ACOT9: variants seen among roughly 807,000 people sequenced by gnomAD.
The protein encoded by ACOT9 is acyl-CoA thioesterase 9, also known as acyl-coenzyme A thioesterase 9, mitochondrial.
In ACOT9, 34 loss-of-function variants were observed where a neutral mutation model predicts 39.7. That is an observed-to-expected ratio of 0.86 (90% CI 0.65 to 1.14). ACOT9 has a LOEUF of 1.14. Ranked by LOEUF, ACOT9 falls within the 50% of genes most tolerant of loss-of-function variation. The probability of loss-of-function intolerance (pLI) is 0.00; values close to 1 mark genes in which losing one functional copy is unlikely to be tolerated. For missense variants in ACOT9, 313 were observed against 344.1 expected, an observed-to-expected ratio of 0.91 and a Z score of 0.71; for synonymous variants, 110 against 120.5, an observed-to-expected ratio of 0.91 and a Z score of 0.57.
chrX:23,715,496 C>A (rs751285281), intron 8 of ACOT9, among the ~76,000 whole-genome samples: 1 of 110,509 alleles, frequency 9.0e-6, no homozygotes, highest in Non-Finnish European at 1.9e-5. Flanking sequence ...CTCTAATAGG[C>A]GGGCATTTGA....
chrX:23,709,115 G>A (rs779804953), intron 9 of ACOT9, among the ~76,000 whole-genome samples: 4 of 111,799 alleles, frequency 3.6e-5, no homozygotes, highest in East Asian at 5.6e-4. Context: ...AAAACAGGCC[G>A]GGGGCAGTGG....
chrX:23,732,365 G>A (rs191347579), intron 4 of ACOT9, among the ~76,000 whole-genome samples: 163 of 112,079 alleles, frequency 1.5e-3, no homozygotes, highest in African/African-American at 5.0e-3. Flanking sequence ...GCGAAGGCTG[G>A]TTTTATAAAA....
chrX:23,718,476 C>T (rs1472658779), intron 8 of ACOT9, among the ~76,000 whole-genome samples: 1 of 112,431 alleles, frequency 8.9e-6, no homozygotes, highest in East Asian at 2.8e-4. Context: ...TCAATAATTC[C>T]TGTATCTCTT....
At chrX:23,716,244 T>C (rs1601809218) in intron 8 of ACOT9, among the ~76,000 whole-genome samples, 1 of 112,103 alleles carries the variant, frequency 8.9e-6, no homozygotes, top group Non-Finnish European at 1.9e-5. Flanking sequence ...AGAAAAAGCA[T>C]CAGCAATTAT....
In ACOT9 at chrX:23,707,750, C is replaced by CA. The variant is rs984900846; in HGVS notation, c.730+126dup. On this transcript the variant is annotated intron_variant, in intron 10 of 15. Coordinates refer to ENST00000379303, the MANE Select transcript of ACOT9 (RefSeq NM_001037171.2). ...GAGACTCCATTTCAAAAAAAACAAA[C>CA]AAAAAAACAAACAAAAAAAAGACAT... 2.4e-4 allele frequency: 108 copies of CA among 452,362 alleles called. 1 individual carries two copies. In the South Asian group the frequency reaches 4.5e-3, roughly 19 times the overall value. 37.3% of individuals were successfully genotyped at this position (452,362 alleles called of 1,213,427 possible).
At chrX:23,733,736 C>T (rs773133143) in intron 3 of ACOT9, among the ~76,000 whole-genome samples, 19 of 98,225 alleles carry the variant, frequency 1.9e-4, no homozygotes, top group Non-Finnish European at 3.2e-4. Flanking sequence ...TGTGCCACCA[C>T]ACCCGGCTAA....
intron 9 of ACOT9, 69 bp downstream of exon 9, chrX:23,713,066 G>A: frequency 1.1e-6 from 1 of 921,505 alleles, no homozygotes; most frequent in Non-Finnish European, 1.6e-6. Context: ...ATTCATTATA[G>A]TTTTCTCTCC....
chrX:23,719,288 T>C (rs1929204067), intron 8 of ACOT9, among the ~76,000 whole-genome samples: 1 of 111,266 alleles, frequency 9.0e-6, no homozygotes, highest in Non-Finnish European at 1.9e-5. Context: ...AATAAAACAG[T>C]ATTACTGTCA....
intron 1 of ACOT9, among the ~76,000 whole-genome samples, chrX:23,739,119 A>G (rs1037791733): frequency 9.0e-6 from 1 of 111,307 alleles, no homozygotes; most frequent in Non-Finnish European, 1.9e-5. Context: ...TTAGCTGGGC[A>G]TGCTGGCGGG....
At chrX:23,715,219 C>T (rs987036397) in intron 8 of ACOT9, among the ~76,000 whole-genome samples, 2 of 111,808 alleles carry the variant, frequency 1.8e-5, no homozygotes, top group Non-Finnish European at 3.8e-5. Flanking sequence ...CAGTTGTTCA[C>T]CAAATACTGT....
chrX:23,741,928 G>T (rs1401289755), intron 1 of ACOT9, among the ~76,000 whole-genome samples: 1 of 110,544 alleles, frequency 9.0e-6, no homozygotes, highest in Non-Finnish European at 1.9e-5. Flanking sequence ...ATCCACCTCA[G>T]CATCCCAAAA....
chrX:23,742,236 G>GAGAGAGAGAGAGAGAGAGAGAGA (rs1491468359), intron 1 of ACOT9, among the ~76,000 whole-genome samples: 1 of 60,573 alleles, frequency 1.7e-5, no homozygotes, highest in Non-Finnish European at 2.8e-5. Flanking sequence ...GAGAGAGAGA[G>GAGAGAGAGAGAGAGAGAGAGAGA]GGAGAGAGAG....
At chrX:23,725,913 A>T (rs1008083764) in intron 6 of ACOT9, among the ~76,000 whole-genome samples, 125 of 111,490 alleles carry the variant, frequency 1.1e-3, no homozygotes, top group African/African-American at 3.9e-3. Flanking sequence ...TATAAAATTC[A>T]AAAGGCCGGG....
rs1242345537 is a variant in ACOT9 at position 23,704,779 on chromosome X, C to T, written c.1173G>A (p.Glu391=). ...AGACATTGGTGGTTGTATGCTGCTT[C>T]TCCTGCAGGGAGGCCACTTCACTGT... ...RVHSEVASLQ[E]KQHTTTNVFH... The change falls in exon 15 of 16, where the codon GAG becomes GAA. Residue 391 remains glutamate (E), a synonymous_variant. Coordinates refer to ENST00000379303, the MANE Select transcript of ACOT9 (RefSeq NM_001037171.2). The T allele has an allele frequency of 3.3e-6, 4 of 1,210,541 alleles. No homozygotes were observed. The highest frequency in any genetic ancestry group is 4.5e-6 in the Non-Finnish European group (4 of 894,292).
intron 6 of ACOT9, among the ~76,000 whole-genome samples, chrX:23,724,111 A>G (rs890445896): frequency 1.8e-5 from 2 of 110,670 alleles, no homozygotes; most frequent in African/African-American, 3.3e-5. Flanking sequence ...CAAAAACACA[A>G]AAGTTAGCCA....
intron 9 of ACOT9, among the ~76,000 whole-genome samples, chrX:23,710,700 A>G (rs1301396720): frequency 9.0e-6 from 1 of 111,488 alleles, no homozygotes; most frequent in Admixed American, 9.7e-5. Context: ...CAAAAAATTT[A>G]AAAATTAGCT....
Position 23,719,929 on chromosome X carries a change from T to C in ACOT9, c.588+1952A>G, listed in dbSNP as rs184918498. 9.6e-3 allele frequency among the ~76,000 whole-genome samples: 1,045 copies of C among 109,264 alleles called. 8 individuals carry two copies. Among genetic ancestry groups the C allele is most frequent in the East Asian group, 0.025 (85 of 3,417 alleles). The allele number at this position is 109,264 out of a possible 115,157, so 94.9% of individuals were successfully genotyped here. ...TCGGCTCACTGCAAGCTCCGCCTCC[T>C]GGGTTCACGCCATTCTCCTGCCTCA... On this transcript the variant is annotated intron_variant, in intron 8 of 15. Transcript: ENST00000379303.
In ACOT9 at chrX:23,703,837, T is replaced by C. The variant is rs1356036175; in HGVS notation, c.*57A>G. On this transcript the variant is annotated 3_prime_UTR_variant, in exon 16 of 16. Coordinates refer to ENST00000379303, the MANE Select transcript of ACOT9 (RefSeq NM_001037171.2). ...AAAATCAATACACTCGATCAGGTCT[T>C]CATCAGATACCACGTCACTGTGGGT... The C allele has an allele frequency of 3.0e-6, 3 of 1,002,649 alleles. No homozygotes were observed. The highest frequency in any genetic ancestry group is 4.2e-6 in the Non-Finnish European group (3 of 710,156). The allele number at this position is 1,002,649 out of a possible 1,213,427, so 82.6% of individuals were successfully genotyped here. A position where few individuals can be genotyped will look rare whatever the true frequency, so the allele number is the denominator to read the frequency against.
At chrX:23,726,044 C>A (rs1929510086) in intron 6 of ACOT9, among the ~76,000 whole-genome samples, 1 of 107,848 alleles carries the variant, frequency 9.3e-6, no homozygotes, top group Admixed American at 1.0e-4. Flanking sequence ...ACTAAAGATA[C>A]AAAAAATTAG....
Sources: gnomAD v4.1 joint callset for allele counts (sites outside exome capture counted in the v4.1 genomes callset) on GRCh38, gnomAD v4.1.1 for gene constraint, MANE v1.5 for transcripts, NCBI Gene and HGNC (gene_info 2026-07-23, HGNC 2026-07-21) for gene names.